USP28: variants seen among roughly 807,000 people sequenced by gnomAD.
USP28 encodes ubiquitin carboxyl-terminal hydrolase 28.
Under a neutral mutation model 145.0 loss-of-function variants are expected in USP28, and 113 were observed. That is an observed-to-expected ratio of 0.78 (90% CI 0.67 to 0.91). The LOEUF (loss-of-function observed/expected upper bound fraction) is 0.91. USP28 is among the 40% of genes least tolerant of loss of function. USP28 has a pLI of 0.00. For synonymous variants in USP28, 447 were observed against 450.9 expected (o/e 0.99, Z 0.11); for missense variants, 1,201 against 1,289.6 (o/e 0.93, Z 1.05).
chr11:113,841,023 C>G (rs546701072), intron 4 of USP28, among the ~76,000 whole-genome samples: 2 of 152,258 alleles, frequency 1.3e-5, no homozygotes, highest in East Asian at 1.9e-4. Context: ...CTATTTAAGG[C>G]TACCATATTA....
At chr11:113,809,296 G>C (rs2513581) in intron 16 of USP28, 42 bp from the exon 17 acceptor site, 1,573,632 of 1,575,518 alleles carry the variant, frequency 1, 785,896 homozygotes, top group Non-Finnish European at 1. Flanking sequence ...CACAAGGAAC[G>C]AAAACATCCT....
At position 113,802,544 on chromosome 11, in the gene USP28, CAT is replaced by C. The variant is rs201479713; in HGVS notation, c.2862+612_2862+613del. ...ACAGTTCTCCAAAGGACACACATCA[CAT>C]AAACCCCTGGGGAGGCAAGGGGATG... On this transcript the variant is annotated intron_variant, in intron 23 of 24. Coordinates refer to ENST00000003302, the Ensembl canonical transcript of USP28. 3.2e-4 allele frequency among the ~76,000 whole-genome samples: 48 copies of C among 152,304 alleles called. 2 individuals carry two copies. In the East Asian group the frequency reaches 9.1e-3, roughly 29 times the overall value.
intron 12 of USP28, among the ~76,000 whole-genome samples, chr11:113,818,526 G>A (rs4320980): frequency 0.78 from 118,125 of 152,008 alleles, 46,427 homozygotes; most frequent in East Asian, 0.89. Context: ...AATCCCAAGA[G>A]ATTTTTTTCT....
chr11:113,840,794 ATAGT>A (rs778266504), intron 4 of USP28, 37 bp from the exon 5 acceptor site: 3 of 1,588,698 alleles, frequency 1.9e-6, no homozygotes, highest in East Asian at 2.2e-5. Context: ...AAAAAAGAAA[ATAGT>A]TAAAGAATAA....
chr11:113,843,704 T>G (rs1410398626), intron 3 of USP28, among the ~76,000 whole-genome samples: 1 of 151,722 alleles, frequency 6.6e-6, no homozygotes, highest in East Asian at 1.9e-4. Context: ...AAAAAAAATT[T>G]TTTTAATAAA....
chr11:113,865,860 T>C (rs1948201019), intron 1 of USP28, among the ~76,000 whole-genome samples: 1 of 152,210 alleles, frequency 6.6e-6, no homozygotes, highest in Admixed American at 6.5e-5. Context: ...GGCATGGTGG[T>C]GTGTACCTGT....
At chr11:113,831,113 C>T (rs1330845117) in intron 8 of USP28, 170 bp from the exon 9 acceptor site, 1 of 623,990 alleles carries the variant, frequency 1.6e-6, no homozygotes, top group African/African-American at 1.8e-5. Flanking sequence ...TATTGAACAC[C>T]TTCTTTCGAG....
exon 21 of USP28, chr11:113,804,742 G>T: frequency 6.2e-7 from 1 of 1,614,158 alleles, no homozygotes; most frequent in Non-Finnish European, 8.5e-7. Context: ...CCTTCATAAT[G>T]CTGATTGATC....
intron 24 of USP28, 125 bp downstream of exon 25, chr11:113,801,358 A>G (rs761759408): frequency 2.5e-5 from 17 of 677,216 alleles, no homozygotes; most frequent in Non-Finnish European, 3.9e-5. Flanking sequence ...ATCCATTTTT[A>G]ATTTACTTAT....
At chr11:113,854,270 A>G (rs75486507) in exon 2 of USP28, 2 of 1,613,984 alleles carry the variant, frequency 1.2e-6, no homozygotes, top group East Asian at 4.5e-5. Flanking sequence ...TCAGAGCTTC[A>G]TGGAGAAAGG....
chr11:113,828,524 T>G (rs1286719271), intron 10 of USP28, among the ~76,000 whole-genome samples: 1 of 152,180 alleles, frequency 6.6e-6, no homozygotes, highest in African/African-American at 2.4e-5. Context: ...AGCTCCACTT[T>G]CTCCTATAGT....
At chr11:113,874,498 G>A (rs1949175018) in intron 1 of USP28, 9 of 1,271,736 alleles carry the variant, frequency 7.1e-6, no homozygotes, top group South Asian at 1.3e-5. Flanking sequence ...AGAGTAAAAA[G>A]GTATAAAAGG....
intron 21 of USP28, 94 bp from the exon 23 acceptor site, chr11:113,803,971 G>A (rs7116233): frequency 0.11 from 119,584 of 1,097,098 alleles, 7,135 homozygotes; most frequent in Middle Eastern, 0.17. Flanking sequence ...AATATTTACT[G>A]AGCACATCTG....
At chr11:113,812,217 C>CT (rs1941096587) in intron 16 of USP28, 59 bp downstream of exon 16, 1 of 1,349,920 alleles carries the variant, frequency 7.4e-7, no homozygotes, top group African/African-American at 1.5e-5. Context: ...CAAGACTGTT[C>CT]TTCTCCCTGA....
At chr11:113,873,088 G>C (rs539325410) in intron 1 of USP28, among the ~76,000 whole-genome samples, 5 of 152,202 alleles carry the variant, frequency 3.3e-5, no homozygotes, top group Admixed American at 2.0e-4. Context: ...TCCTCAACTA[G>C]AACAATGAAA....
At chr11:113,829,824 CAAA>C (rs5794883) in intron 9 of USP28, among the ~76,000 whole-genome samples, 72 of 104,652 alleles carry the variant, frequency 6.9e-4, no homozygotes, top group East Asian at 8.8e-4. Context: ...GGACTTGTCT[CAAA>C]AAAAAAAAAA....
chr11:113,830,937 G>A, exon 9 of USP28: 1 of 1,613,986 alleles, frequency 6.2e-7, no homozygotes, highest in Non-Finnish European at 8.5e-7. Flanking sequence ...ATTTGTTCCT[G>A]GGACTGCTGC....
At chr11:113,807,267 TTTC>T (rs1455793799) in intron 18 of USP28, among the ~76,000 whole-genome samples, 6 of 152,150 alleles carry the variant, frequency 3.9e-5, no homozygotes, top group African/African-American at 1.4e-4. Flanking sequence ...GAGACAGGGG[TTTC>T]ACCATGTTGG....
At chr11:113,801,536 G>A in exon 24 of USP28, 2 of 1,607,338 alleles carry the variant, frequency 1.2e-6, no homozygotes, top group Non-Finnish European at 1.7e-6. Flanking sequence ...GACCTCAATG[G>A]CATCCAGATC....
Sources: allele counts gnomAD v4.1 joint callset (sites outside exome capture counted in the v4.1 genomes callset), GRCh38; gene constraint gnomAD v4.1.1; transcripts MANE v1.5; gene names NCBI Gene and HGNC (gene_info 2026-07-23, HGNC 2026-07-21).